ZBTB21: variants seen among roughly 807,000 people sequenced by gnomAD.
The protein encoded by ZBTB21 is zinc finger and BTB domain containing 21, also known as zinc finger and BTB domain-containing protein 21.
Under a neutral mutation model 39.8 loss-of-function variants are expected in ZBTB21, and 10 were observed. That is an observed-to-expected ratio of 0.25 (90% confidence interval 0.16 to 0.43). ZBTB21 has a LOEUF of 0.43. Ranked by LOEUF, ZBTB21 falls within the 20% of genes least tolerant of loss-of-function variation. The pLI is 1.00. For synonymous variants in ZBTB21, 551 were observed against 498.8 expected (o/e 1.10, Z -1.40); for missense variants, 1,221 against 1,296.3 (o/e 0.94, Z 0.89).
intron 2 of ZBTB21, among the ~76,000 whole-genome samples, chr21:42,000,708 C>T (rs1410603182): frequency 1.3e-5 from 2 of 152,184 alleles, no homozygotes. Context: ...TCACAGACCT[C>T]TATCTTCTTT....
rs1472463832 is a variant in ZBTB21, at chr21:41,993,942, T to A, written c.154A>T (p.Ser52Cys). ...RAHKNVLAASSEYFQSLFTNK... is the reference protein window; with the variant it reads ...RAHKNVLAASCEYFQSLFTNK... ...GTGAATAAACTCTGAAAGTATTCGC[T>A]GCTGGCAGCCAAGACGTTTTTATGA... The change falls in exon 3 of 3, where the codon AGC becomes TGC. Residue 52 changes from serine to cysteine, a missense_variant. By Grantham distance (112) the Ser-to-Cys change is moderately radical. Around this residue, in one of 4 missense-constraint regions of ZBTB21, gnomAD observed 108 missense variants for 155.0 expected, o/e 0.70. Transcript: ENST00000310826. The A allele has an allele frequency of 1.2e-6, 2 of 1,614,172 alleles. No individual in the cohort carries two copies. The highest frequency in any genetic ancestry group is 1.7e-6 in the Non-Finnish European group (2 of 1,180,066).
chr21:41,995,993 AG>A (rs1294761112), intron 2 of ZBTB21, among the ~76,000 whole-genome samples: 3 of 152,350 alleles, frequency 2.0e-5, no homozygotes, highest in African/African-American at 7.2e-5. Context: ...TAGATTTCAG[AG>A]GATGTATGAG....
intron 1 of ZBTB21, among the ~76,000 whole-genome samples, chr21:42,007,282 A>G (rs1328997485): frequency 6.6e-6 from 1 of 152,202 alleles, no homozygotes; most frequent in Admixed American, 6.5e-5. Context: ...AGTGAAAATT[A>G]TGGCTGTTAG....
chr21:41,987,731 A>C lies in ZBTB21; in HGVS notation c.*3164T>G, dbSNP rs902094046. On this transcript the variant is annotated 3_prime_UTR_variant, in exon 3 of 3. Coordinates refer to ENST00000310826, the MANE Select transcript of ZBTB21 (RefSeq NM_001098402.2). ...TATACACACATGCATGCATGTGTGT[A>C]CAAACCCAATTTGAGACAACAAAGG... 1 of 151,904 alleles carries C rather than the reference A, an allele frequency of 6.6e-6. No homozygotes were observed. Among genetic ancestry groups the C allele is most frequent in the African/African-American group, 2.4e-5 (1 of 41,430 alleles). The allele number at this position is 151,904 out of a possible 1,614,324, so 9.4% of individuals were successfully genotyped here.
chr21:41,997,210 C>G (rs966340454), intron 2 of ZBTB21, among the ~76,000 whole-genome samples: 1 of 152,182 alleles, frequency 6.6e-6, no homozygotes, highest in African/African-American at 2.4e-5. Context: ...GCATGAACCA[C>G]TGAGCCTGGC....
chr21:41,992,275 G>C lies in ZBTB21; in HGVS notation c.1821C>G (p.Ala607=). 2 of 1,614,190 alleles carry C rather than the reference G, an allele frequency of 1.2e-6. No individual in the cohort carries two copies. The highest frequency in any genetic ancestry group is 1.3e-5 in the African/African-American group (1 of 75,040). The part of the protein sequence containing the change: ...QHGIVKNPSP[A]SSSHAVLDEK... ...CATCCAAAACAGCATGTGAACTAGAGGCTGGTGATGGGTTCTTCACTATGC... is the reference window on the plus strand; with the variant it reads ...CATCCAAAACAGCATGTGAACTAGACGCTGGTGATGGGTTCTTCACTATGC... The change falls in exon 3 of 3, where the codon GCC becomes GCG. Residue 607 remains alanine, a synonymous_variant. Coordinates refer to ENST00000310826, the MANE Select transcript of ZBTB21 (RefSeq NM_001098402.2). This position sits in a 1 kb window ranked among gnomAD's most constrained non-coding sequence, Gnocchi z 4.1.
intron 1 of ZBTB21, among the ~76,000 whole-genome samples, chr21:42,005,210 A>C (rs2065864951): frequency 6.6e-6 from 1 of 151,948 alleles, no homozygotes; most frequent in African/African-American, 2.4e-5. Flanking sequence ...CAGCCATTCC[A>C]CCTCCTGTTA....
rs986005622 is a variant in ZBTB21, at chr21:42,010,317, G to A, written c.-144C>T. ...TCACACTCGGCTCGCGCGCGCCGCAGCCGCCGCTGCCGCTGTGATTCCATC... is the reference window on the plus strand; with the variant it reads ...TCACACTCGGCTCGCGCGCGCCGCAACCGCCGCTGCCGCTGTGATTCCATC... On this transcript the variant is annotated 5_prime_UTR_variant, in exon 1 of 3. Coordinates refer to ENST00000310826, the MANE Select transcript of ZBTB21 (RefSeq NM_001098402.2). The A allele has an allele frequency of 1.0e-5, 4 of 398,240 alleles. No homozygotes were observed. The Middle Eastern group carries it at 1.9e-3, about 188-fold the overall frequency. The allele number at this position is 398,240 out of a possible 1,614,324, so 24.7% of individuals were successfully genotyped here.
At chr21:42,008,436 T>TGAACCAGGGAGGCGGAGGTTGCA (rs1301183629) in intron 1 of ZBTB21, among the ~76,000 whole-genome samples, 40 of 148,020 alleles carry the variant, frequency 2.7e-4, no homozygotes, top group African/African-American at 8.8e-4. Flanking sequence ...GAGAATCGCT[T>TGAACCAGGGAGGCGGAGGTTGCA]GAACCAGGGA....
intron 1 of ZBTB21, 92 bp downstream of exon 1, chr21:42,010,160 T>C (rs1432253344): frequency 2.6e-6 from 1 of 389,986 alleles, no homozygotes; most frequent in Non-Finnish European, 4.5e-6. Context: ...ACCTCAGAGT[T>C]ACGTCAGGAA....
intron 1 of ZBTB21, among the ~76,000 whole-genome samples, chr21:42,006,154 C>T (rs2065875871): frequency 6.6e-6 from 1 of 152,148 alleles, no homozygotes; most frequent in Non-Finnish European, 1.5e-5. Flanking sequence ...GTGGCTCATG[C>T]CTGTAATCCC....
In ZBTB21 at chr21:41,987,533, T is replaced by C. The variant is rs2065594008; in HGVS notation, c.*3362A>G. The C allele has an allele frequency of 6.6e-6, 1 of 152,368 alleles. No individual in the cohort carries two copies. Among genetic ancestry groups the C allele is most frequent in the South Asian group, 2.1e-4 (1 of 4,830 alleles). The allele number at this position is 152,368 out of a possible 1,614,324, so 9.4% of individuals were successfully genotyped here. A position where few individuals can be genotyped will look rare whatever the true frequency, so the allele number is the denominator to read the frequency against. On this transcript the variant is annotated 3_prime_UTR_variant, in exon 3 of 3. Transcript: ENST00000310826. ...TACGTGTCAGCATTATTTAAATCAATAATGCATTTCACAATTATTGCAGAA... is the reference window on the plus strand; with the variant it reads ...TACGTGTCAGCATTATTTAAATCAACAATGCATTTCACAATTATTGCAGAA...
At chr21:42,003,116 G>A (rs1436631569) in intron 1 of ZBTB21, among the ~76,000 whole-genome samples, 155 bp from the exon 2 acceptor site, 1 of 152,238 alleles carries the variant, frequency 6.6e-6, no homozygotes, top group African/African-American at 2.4e-5. Context: ...CAACCTTTCT[G>A]ACTAGTTTCC....
chr21:42,009,798 C>T (rs2146364538), intron 1 of ZBTB21, among the ~76,000 whole-genome samples: 1 of 152,076 alleles, frequency 6.6e-6, no homozygotes, highest in East Asian at 2.0e-4. Context: ...CCAGCTTCCG[C>T]GCACACCCCG....
intron 2 of ZBTB21, among the ~76,000 whole-genome samples, chr21:41,996,443 T>C (rs775018563): frequency 2.0e-5 from 3 of 152,188 alleles, no homozygotes; most frequent in Non-Finnish European, 4.4e-5. Context: ...CACCGGGGCC[T>C]GTAAGCCTCT....
At chr21:42,008,928 G>A (rs1380755296) in intron 1 of ZBTB21, among the ~76,000 whole-genome samples, 3 of 152,166 alleles carry the variant, frequency 2.0e-5, no homozygotes, top group Non-Finnish European at 4.4e-5. Flanking sequence ...AGTACACGAG[G>A]AAAGCTTTAA....
Position 41,992,933 on chromosome 21 carries a change from T to C in ZBTB21, c.1163A>G (p.Asp388Gly), listed in dbSNP as rs1392334282. Residue 388 changes from aspartate to glycine, a missense_variant, in exon 3 of 3, where the codon GAT becomes GGT. Physicochemically the swap from Asp to Gly is moderately conservative, Grantham distance 94 (BLOSUM62 -1). Coordinates refer to ENST00000310826, the MANE Select transcript of ZBTB21 (RefSeq NM_001098402.2). This position sits in a 1 kb window ranked among gnomAD's most constrained non-coding sequence, Gnocchi z 4.1. ...ATCTAGGGCTGTTTTTTCACTACAA[T>C]CTTTTAAAGATGACTTCTGAGATAA... The part of the protein sequence containing the change: ...CALSQKSSLK[D>G]CSEKTALDDR... 2.5e-6 allele frequency: 4 copies of C among 1,614,212 alleles called. No homozygotes were observed. Among genetic ancestry groups the C allele is most frequent in the Non-Finnish European group, 2.5e-6 (3 of 1,180,040 alleles).
chr21:41,996,876 T>G (rs559862875), intron 2 of ZBTB21, among the ~76,000 whole-genome samples: 18 of 152,312 alleles, frequency 1.2e-4, no homozygotes, highest in African/African-American at 4.1e-4. Context: ...GCTGATGGTT[T>G]CATAACGAGG....
rs370495247 is a variant in ZBTB21 at position 41,991,862 on chromosome 21, C to G, written c.2234G>C (p.Arg745Pro). 5 of 1,614,032 alleles carry G rather than the reference C, an allele frequency of 3.1e-6. No homozygotes were observed. The highest frequency in any genetic ancestry group is 4.2e-6 in the Non-Finnish European group (5 of 1,180,048). Residue 745 changes from arginine to proline, a missense_variant, in exon 3 of 3, where the codon CGG becomes CCG. Arg to Pro is a moderately radical substitution (Grantham distance 103). Around this residue, in one of 4 missense-constraint regions of ZBTB21, gnomAD observed 523 missense variants for 542.5 expected, o/e 0.96. Transcript: ENST00000310826. This position sits in a 1 kb window ranked among gnomAD's most constrained non-coding sequence, Gnocchi z 4.9. Reference protein sequence around the residue: ...LEQGSHERLCRNAAVCPYCSL... With the variant: ...LEQGSHERLCPNAAVCPYCSL... ...GCAGTAAGGGCAGACGGCCGCGTTC[C>G]GGCACAGCCGCTCGTGGCTTCCTTG... is the stretch of plus-strand genomic sequence containing the variant.
Sources: gnomAD v4.1 joint callset for allele counts (sites outside exome capture counted in the v4.1 genomes callset) on GRCh38, gnomAD v4.1.1 for gene constraint, gnomAD v4.1.1 regional missense constraint, Gnocchi (gnomAD v3.1) non-coding constraint, MANE v1.5 for transcripts, NCBI Gene and HGNC (gene_info 2026-07-23, HGNC 2026-07-21) for gene names.